KRT8: variants seen among roughly 807,000 people sequenced by gnomAD.
KRT8 encodes keratin 8, also known as keratin, type II cytoskeletal 8.
Under a neutral mutation model 43.0 loss-of-function variants are expected in KRT8, and 24 were observed. That is an observed-to-expected ratio of 0.56 (90% CI 0.40 to 0.78). The LOEUF is 0.78. KRT8 is among the 30% of genes least tolerant of loss of function. The pLI, the probability that KRT8 is intolerant of heterozygous loss-of-function variation, is 0.00. For missense variants in KRT8, 492 were observed against 638.4 expected, an observed-to-expected ratio of 0.77 and a Z score of 2.47; for synonymous variants, 214 against 261.2, an observed-to-expected ratio of 0.82 and a Z score of 1.74.
intron 2 of KRT8, among the ~76,000 whole-genome samples, chr12:52,938,926 ATTTTTAAAACCAGCCAGG>A (rs1240208781): frequency 6.6e-6 from 1 of 151,934 alleles, no homozygotes; most frequent in East Asian, 1.9e-4. Context: ...CTACAAATGA[ATTTTTAAAACCAGCCAGG>A]TTTAGTGGTA....
At chr12:52,905,021 G>A (rs759092253) in exon 1 of KRT8, 2 of 1,581,558 alleles carry the variant, frequency 1.3e-6, no homozygotes, top group Non-Finnish European at 8.6e-7. Flanking sequence ...CGAACCAGGC[G>A]GAGATCCTAG....
At position 52,901,234 on chromosome 12, in the gene KRT8, C is replaced by T. The variant is rs372314834; in HGVS notation, c.534-15G>A. 2.5e-6 allele frequency: 4 copies of T among 1,601,774 alleles called. No individual in the cohort carries two copies. Among genetic ancestry groups the T allele is most frequent in the Non-Finnish European group, 3.4e-6 (4 of 1,170,098 alleles). On this transcript the variant is annotated splice_polypyrimidine_tract_variant and intron_variant, in intron 2 of 7. Transcript: ENST00000692008. Reference sequence around the variant, plus strand: ...CATCCTCATACCTGTGAGGAAAAGACTTACAATTAGAGGATGAAGGCAAAA... The same window carrying T: ...CATCCTCATACCTGTGAGGAAAAGATTTACAATTAGAGGATGAAGGCAAAA...
chr12:52,913,303 T>G (rs1180009958), intron 2 of KRT8, among the ~76,000 whole-genome samples: 1 of 152,088 alleles, frequency 6.6e-6, no homozygotes, highest in East Asian at 1.9e-4. Flanking sequence ...CACCTGTCAG[T>G]TTCCTCCTCT....
intron 4 of KRT8, 110 bp from the exon 5 acceptor site, chr12:52,900,175 C>A: frequency 8.8e-7 from 1 of 1,139,416 alleles, no homozygotes; most frequent in Non-Finnish European, 1.3e-6. Context: ...AGGAGAGGAG[C>A]AGGTGGGAGT....
At chr12:52,925,125 G>T (rs1454528461) in intron 2 of KRT8, among the ~76,000 whole-genome samples, 1 of 152,204 alleles carries the variant, frequency 6.6e-6, no homozygotes, top group Admixed American at 6.5e-5. Context: ...AGGGGAGGAG[G>T]TGCTAGGCAG....
At chr12:52,915,926 T>A (rs1467128809) in intron 2 of KRT8, among the ~76,000 whole-genome samples, 2 of 152,160 alleles carry the variant, frequency 1.3e-5, no homozygotes, top group Non-Finnish European at 2.9e-5. Flanking sequence ...CAACGGAATA[T>A]TGATTTCAGA....
intron 3 of KRT8, 33 bp from the exon 4 acceptor site, chr12:52,900,716 GT>G (rs767617309): frequency 6.6e-7 from 1 of 1,509,238 alleles, no homozygotes; most frequent in South Asian, 1.1e-5. Context: ...CCTGAGCTGG[GT>G]TTCCACACCC....
exon 5 of KRT8, chr12:52,899,867 C>T (rs1023781656): frequency 2.5e-6 from 4 of 1,612,382 alleles, no homozygotes; most frequent in East Asian, 2.2e-5. Context: ...AGGTCATCCC[C>T]GTGCTTCCCA....
intron 2 of KRT8, among the ~76,000 whole-genome samples, chr12:52,928,543 C>T (rs1942032365): frequency 6.6e-6 from 1 of 152,148 alleles, no homozygotes; most frequent in South Asian, 2.1e-4. Context: ...TCCTCCCACC[C>T]CCATCCCAGG....
chr12:52,943,345 T>C (rs141498692), intron 2 of KRT8, among the ~76,000 whole-genome samples: 1 of 152,160 alleles, frequency 6.6e-6, no homozygotes, highest in Non-Finnish European at 1.5e-5. Flanking sequence ...CCCTGATCCT[T>C]TTGTGCACCT....
chr12:52,940,800 G>A (rs1028253078), intron 2 of KRT8, among the ~76,000 whole-genome samples: 9 of 151,092 alleles, frequency 6.0e-5, no homozygotes, highest in Non-Finnish European at 1.2e-4. Flanking sequence ...TAATTTTTTT[G>A]TATTTTTAGT....
intron 2 of KRT8, among the ~76,000 whole-genome samples, chr12:52,918,180 G>A (rs11170335): frequency 0.1 from 7,435 of 73,006 alleles, 1,176 homozygotes; most frequent in Non-Finnish European, 0.13. Flanking sequence ...AAGAGGAAGA[G>A]GAAGAAGAAG....
intron 2 of KRT8, 72 bp downstream of exon 2, chr12:52,901,792 T>C (rs1941376164): frequency 1.9e-6 from 2 of 1,056,474 alleles, no homozygotes; most frequent in Admixed American, 3.4e-5. Context: ...CCATGGGGAC[T>C]TAGTCCCAAG....
intron 7 of KRT8, among the ~76,000 whole-genome samples, chr12:52,898,046 C>T (rs1018560677): frequency 4.9e-4 from 74 of 152,308 alleles, no homozygotes; most frequent in African/African-American, 1.7e-3. Context: ...CGCCTGTAGT[C>T]CCAGCTACTT....
chr12:52,940,025 C>G (rs1284716454), intron 2 of KRT8, among the ~76,000 whole-genome samples: 1 of 152,144 alleles, frequency 6.6e-6, no homozygotes, highest in Non-Finnish European at 1.5e-5. Context: ...TATGGTAACT[C>G]TATGCAATGG....
intron 2 of KRT8, among the ~76,000 whole-genome samples, chr12:52,938,748 C>G (rs1942220152): frequency 6.6e-6 from 1 of 152,034 alleles, no homozygotes; most frequent in Non-Finnish European, 1.5e-5. Flanking sequence ...CTCCCGAGGA[C>G]CTGGGACTAC....
upstream of KRT8, among the ~76,000 whole-genome samples, chr12:52,911,460 C>T (rs534413012): frequency 6.6e-6 from 1 of 152,240 alleles, no homozygotes; most frequent in East Asian, 1.9e-4. Flanking sequence ...GAATCAAGTC[C>T]CTAATGGCCT....
intron 1 of KRT8, 47 bp downstream of exon 1, chr12:52,904,611 G>C (rs370503524): frequency 6.4e-7 from 1 of 1,562,094 alleles, no homozygotes; most frequent in Admixed American, 1.7e-5. Context: ...GGACTACCAG[G>C]AGAAAGGGGC....
intron 2 of KRT8, among the ~76,000 whole-genome samples, chr12:52,924,258 C>T (rs1941946096): frequency 6.6e-6 from 1 of 152,044 alleles, no homozygotes; most frequent in Non-Finnish European, 1.5e-5. Context: ...ACCATCCTGG[C>T]TAACACGGTG....
Sources: allele counts gnomAD v4.1 joint callset (sites outside exome capture counted in the v4.1 genomes callset), GRCh38; gene constraint gnomAD v4.1.1; transcripts MANE v1.5; gene names NCBI Gene and HGNC (gene_info 2026-07-23, HGNC 2026-07-21).